SEMA3E: variants seen among roughly 807,000 people sequenced by gnomAD.
The protein encoded by SEMA3E is semaphorin-3E.
A neutral mutation model predicts 93.6 loss-of-function variants in SEMA3E; 49 were observed. The observed-to-expected ratio is 0.52, with a 90% CI of 0.42 to 0.66. SEMA3E has a LOEUF of 0.66. Ranked by LOEUF, SEMA3E falls within the 30% of genes least tolerant of loss-of-function variation. The probability of loss-of-function intolerance (pLI) is 0.00; values close to 1 mark genes in which losing one functional copy is unlikely to be tolerated. For missense variants in SEMA3E, 906 were observed against 964.8 expected (o/e 0.94, Z 0.81); for synonymous variants, 363 against 330.7 (o/e 1.10, Z -1.06).
intron 1 of SEMA3E, among the ~76,000 whole-genome samples, chr7:83,600,323 T>TC (rs1278761246): frequency 6.6e-6 from 1 of 150,800 alleles, no homozygotes; most frequent in Non-Finnish European, 1.5e-5. Context: ...ATTAATTCTT[T>TC]TTTTTTTTTT....
chr7:83,566,669 A>G (rs980095808), intron 1 of SEMA3E, among the ~76,000 whole-genome samples: 1 of 152,140 alleles, frequency 6.6e-6, no homozygotes, highest in Non-Finnish European at 1.5e-5. Context: ...CTAAATTTTA[A>G]CATGTTTTGA....
intron 2 of SEMA3E, among the ~76,000 whole-genome samples, chr7:83,474,408 G>A (rs1046715206): frequency 4.6e-5 from 7 of 152,144 alleles, no homozygotes; most frequent in Non-Finnish European, 8.8e-5. Context: ...TTGGTGCAAT[G>A]AGCCCCAAGC....
intron 4 of SEMA3E, among the ~76,000 whole-genome samples, chr7:83,429,236 TTG>T (rs1184969066): frequency 3.3e-5 from 5 of 152,346 alleles, no homozygotes; most frequent in African/African-American, 9.6e-5. Flanking sequence ...GTAAACTCAA[TTG>T]TCTTATTCCT....
intron 1 of SEMA3E, among the ~76,000 whole-genome samples, chr7:83,607,041 G>A (rs2115566242): frequency 6.6e-6 from 1 of 152,128 alleles, no homozygotes; most frequent in Middle Eastern, 3.4e-3. Context: ...ATGTATAATT[G>A]TACCAACACT....
At chr7:83,619,315 T>C (rs896209681) in intron 1 of SEMA3E, among the ~76,000 whole-genome samples, 3 of 151,858 alleles carry the variant, frequency 2.0e-5, no homozygotes, top group African/African-American at 7.2e-5. Context: ...CAAATAATTT[T>C]AGGATAAGTA....
chr7:83,402,018 T>A (rs1349018757), intron 10 of SEMA3E, among the ~76,000 whole-genome samples: 1 of 152,098 alleles, frequency 6.6e-6, no homozygotes, highest in Admixed American at 6.6e-5. Context: ...AGAATCTTAA[T>A]AGTATAGTTC....
intron 1 of SEMA3E, among the ~76,000 whole-genome samples, chr7:83,545,905 A>G (rs926645184): frequency 1.5e-4 from 18 of 119,358 alleles, no homozygotes; most frequent in African/African-American, 4.8e-4. Context: ...AAAATATTAT[A>G]TATTATATAT....
chr7:83,369,115 C>T (rs190479360), intron 16 of SEMA3E, among the ~76,000 whole-genome samples: 16 of 152,092 alleles, frequency 1.1e-4, no homozygotes, highest in Non-Finnish European at 7.4e-5. Flanking sequence ...CAGGATCTTA[C>T]GATAATGGTA....
chr7:83,429,571 C>T (rs1788840951), intron 4 of SEMA3E, among the ~76,000 whole-genome samples: 1 of 152,164 alleles, frequency 6.6e-6, no homozygotes, highest in Admixed American at 6.6e-5. Flanking sequence ...ACCAACTTTT[C>T]AAATATGATC....
chr7:83,583,535 C>G (rs1257206504), intron 1 of SEMA3E, among the ~76,000 whole-genome samples: 1 of 152,080 alleles, frequency 6.6e-6, no homozygotes, highest in African/African-American at 2.4e-5. Context: ...TCACTTCTTT[C>G]TTCTTGTCCT....
chr7:83,427,166 T>C (rs1788788926), intron 4 of SEMA3E, among the ~76,000 whole-genome samples: 1 of 146,854 alleles, frequency 6.8e-6, no homozygotes, highest in Non-Finnish European at 1.5e-5. Context: ...CCTTTTCCCA[T>C]ATGACTTTTC....
intron 16 of SEMA3E, among the ~76,000 whole-genome samples, chr7:83,382,824 A>G (rs193164464): frequency 3.8e-4 from 58 of 151,982 alleles, no homozygotes; most frequent in African/African-American, 1.3e-3. Flanking sequence ...TATAAACTGC[A>G]TATTTGAGAG....
chr7:83,449,138 C>T (rs1052622396), intron 4 of SEMA3E, among the ~76,000 whole-genome samples: 2 of 151,674 alleles, frequency 1.3e-5, no homozygotes, highest in Non-Finnish European at 2.9e-5. Flanking sequence ...CTGGCTCTGT[C>T]GCTCAGGCTG....
At chr7:83,470,865 T>TA (rs199527453) in intron 2 of SEMA3E, among the ~76,000 whole-genome samples, 36,053 of 148,614 alleles carry the variant, frequency 0.24, 4,704 homozygotes, top group Middle Eastern at 0.38. Flanking sequence ...ACATTTTCTT[T>TA]TTTTTTTTTT....
In SEMA3E at chr7:83,363,588, A is replaced by T. The variant is rs1794617114; in HGVS notation, c.*3998T>A. The T allele has an allele frequency of 1.3e-5, 2 of 152,212 alleles. No individual in the cohort carries two copies. Among genetic ancestry groups the T allele is most frequent in the African/African-American group, 2.4e-5 (1 of 41,450 alleles). The allele number at this position is 152,212 out of a possible 1,614,324, so 9.4% of individuals were successfully genotyped here. A position where few individuals can be genotyped will look rare whatever the true frequency, so the allele number is the denominator to read the frequency against. ...ATAAAGCTATCCTTCCAAGAAAAAA[A>T]AAATAAACATACCAGCTTAAATAAC... On this transcript the variant is annotated 3_prime_UTR_variant, in exon 17 of 17. Coordinates refer to ENST00000643230, the MANE Select transcript of SEMA3E (RefSeq NM_012431.3).
At position 83,490,153 on chromosome 7, in the gene SEMA3E, A is replaced by C; in HGVS notation, c.237T>G (p.Tyr79Ter). 6.2e-7 allele frequency: 1 copy of C among 1,613,026 alleles called. No individual in the cohort carries two copies. Among genetic ancestry groups the C allele is most frequent in the Non-Finnish European group, 8.5e-7 (1 of 1,179,368 alleles). ...CACTGATTCTCTCCAAGCTGAGGGAATATACAAGGTCCCTGCCTCCCACGA... is the reference window on the plus strand; with the variant it reads ...CACTGATTCTCTCCAAGCTGAGGGACTATACAAGGTCCCTGCCTCCCACGA... ...RLFVGGRDLV[Y>*]SLSLERISDG... The change falls in exon 2 of 17, where the codon TAT becomes TAG. Residue 79 changes from tyrosine (Y) to a stop codon, truncating the protein, a stop_gained. Coordinates refer to ENST00000643230, the MANE Select transcript of SEMA3E (RefSeq NM_012431.3). LOFTEE classifies it high-confidence loss of function.
At chr7:83,374,623 C>T (rs1794796377) in intron 16 of SEMA3E, among the ~76,000 whole-genome samples, 1 of 152,058 alleles carries the variant, frequency 6.6e-6, no homozygotes, top group Non-Finnish European at 1.5e-5. Flanking sequence ...ACACAAACAG[C>T]AACAGGGATA....
intron 1 of SEMA3E, among the ~76,000 whole-genome samples, chr7:83,562,349 GA>G (rs1212564378): frequency 1.3e-5 from 2 of 152,006 alleles, no homozygotes; most frequent in East Asian, 3.9e-4. Context: ...ATGTAATTGA[GA>G]GTCAATATCT....
At chr7:83,639,308 G>C (rs928896134) in intron 1 of SEMA3E, among the ~76,000 whole-genome samples, 4 of 151,840 alleles carry the variant, frequency 2.6e-5, no homozygotes, top group African/African-American at 7.3e-5. Flanking sequence ...GAAAATTATA[G>C]TAACATCATC....
Sources: allele counts gnomAD v4.1 joint callset (sites outside exome capture counted in the v4.1 genomes callset), GRCh38; gene constraint gnomAD v4.1.1; transcripts MANE v1.5; gene names NCBI Gene and HGNC (gene_info 2026-07-23, HGNC 2026-07-21).